The following EZH2 variants were observed in gnomAD, a reference collection of about 807,000 sequenced individuals.
EZH2 encodes histone-lysine N-methyltransferase EZH2.
A neutral mutation model predicts 98.4 loss-of-function variants in EZH2; 18 were observed. That is an observed-to-expected ratio of 0.18 (90% confidence interval 0.13 to 0.27). The LOEUF is 0.27. Among genes scored for constraint, EZH2 ranks in the 10% least tolerant of loss-of-function variants. EZH2 has a pLI of 1.00. For synonymous variants in EZH2, 338 were observed against 312.3 expected, an observed-to-expected ratio of 1.08 and a Z score of -0.87; for missense variants, 470 against 935.1, an observed-to-expected ratio of 0.50 and a Z score of 6.49.
At chr7:148,832,610 G>A (rs1809709947) in intron 4 of EZH2, 24 bp downstream of exon 4, 2 of 1,189,944 alleles carry the variant, frequency 1.7e-6, no homozygotes, top group South Asian at 1.5e-5. Flanking sequence ...TATCAAATAA[G>A]CAGAAGATAT....
In EZH2 at chr7:148,827,613, A is replaced by G. The variant is rs945316354; in HGVS notation, c.626-347T>C. ...ATGAAGGAGCTGAACTAGATGATCA[A>G]TAAGGTCAATAAGGTACCTTTTTGT... On this transcript the variant is annotated intron_variant, in intron 6 of 19. Transcript: ENST00000320356. 2.6e-5 allele frequency among the ~76,000 whole-genome samples: 4 copies of G among 152,338 alleles called. No individual in the cohort carries two copies. In the East Asian group the frequency reaches 5.8e-4, roughly 22 times the overall value.
At chr7:148,815,867 T>C (rs1440533389) in intron 12 of EZH2, among the ~76,000 whole-genome samples, 1 of 152,190 alleles carries the variant, frequency 6.6e-6, no homozygotes, top group Admixed American at 6.5e-5. Context: ...ACTGATCACT[T>C]CCTCTTATTT....
rs765606835 is a variant in EZH2, at chr7:148,826,455, A to G, written c.906T>C (p.Tyr302=). 1.0e-5 allele frequency: 16 copies of G among 1,567,934 alleles called. No homozygotes were observed. The Admixed American group carries it at 2.2e-4, about 21-fold the overall frequency. Reference sequence around the variant, plus strand: ...CAAAGATAGAAAATGAAAACGTACAATAATTGCACTTACGATGTAGGAAGC... The same window carrying G: ...CAAAGATAGAAAATGAAAACGTACAGTAATTGCACTTACGATGTAGGAAGC... The part of the protein sequence containing the change: ...YDCFLHRKCN[Y]SFHATPNTYK... Residue 302 remains tyrosine, a splice_region_variant and synonymous_variant, in exon 8 of 20, where the codon TAT becomes TAC. Transcript: ENST00000320356.
chr7:148,870,766 TA>T (rs751950020), intron 1 of EZH2, among the ~76,000 whole-genome samples: 1 of 148,272 alleles, frequency 6.7e-6, no homozygotes, highest in Non-Finnish European at 1.5e-5. Flanking sequence ...CCCGACTCTA[TA>T]AAAATGCAAA....
At chr7:148,864,589 G>A (rs1254341333) in intron 1 of EZH2, among the ~76,000 whole-genome samples, 1 of 150,316 alleles carries the variant, frequency 6.7e-6, no homozygotes, top group African/African-American at 2.5e-5. Flanking sequence ...GCTGAGGTGG[G>A]AGAACCAATC....
chr7:148,876,762 T>G (rs368874817), intron 1 of EZH2, among the ~76,000 whole-genome samples: 3 of 152,202 alleles, frequency 2.0e-5, no homozygotes, highest in Non-Finnish European at 4.4e-5. Flanking sequence ...GGCCACATGG[T>G]AAGTATTTTA....
At chr7:148,809,730 A>T (rs904171771) in intron 17 of EZH2, among the ~76,000 whole-genome samples, 1 of 152,200 alleles carries the variant, frequency 6.6e-6, no homozygotes, top group Non-Finnish European at 1.5e-5. Flanking sequence ...ATTTAAAATT[A>T]GTTTTTTTCA....
At chr7:148,868,216 G>A (rs1241277557) in intron 1 of EZH2, among the ~76,000 whole-genome samples, 3 of 152,106 alleles carry the variant, frequency 2.0e-5, no homozygotes, top group East Asian at 3.8e-4. Context: ...CATATTTTCT[G>A]TATTAGTCCA....
chr7:148,874,914 A>T (rs540130702), intron 1 of EZH2, among the ~76,000 whole-genome samples: 34 of 151,528 alleles, frequency 2.2e-4, no homozygotes, highest in South Asian at 6.3e-4. Context: ...AAAAAAAAAA[A>T]TTTTACTTGA....
chr7:148,854,230 G>C (rs959396134), intron 1 of EZH2, among the ~76,000 whole-genome samples: 2 of 151,940 alleles, frequency 1.3e-5, no homozygotes, highest in Admixed American at 6.5e-5. Flanking sequence ...CAGATCATGA[G>C]GTCAGGAGAT....
At chr7:148,834,321 T>G (rs568059027) in intron 3 of EZH2, among the ~76,000 whole-genome samples, 1 of 144,298 alleles carries the variant, frequency 6.9e-6, no homozygotes, top group South Asian at 2.2e-4. Context: ...TGTAGTAAAA[T>G]GAAACTGAAA....
chr7:148,872,532 A>G (rs1819574690), intron 1 of EZH2, among the ~76,000 whole-genome samples: 1 of 152,238 alleles, frequency 6.6e-6, no homozygotes, highest in African/African-American at 2.4e-5. Flanking sequence ...TTTAGAAACT[A>G]CATGTATATT....
intron 4 of EZH2, among the ~76,000 whole-genome samples, chr7:148,831,617 C>A (rs1809410531): frequency 6.6e-6 from 1 of 152,144 alleles, no homozygotes; most frequent in Admixed American, 6.5e-5. Context: ...TCTGTGAAAA[C>A]ATGAAACTTC....
chr7:148,854,413 G>A (rs1442777917), intron 1 of EZH2, among the ~76,000 whole-genome samples: 1 of 150,120 alleles, frequency 6.7e-6, no homozygotes, highest in Non-Finnish European at 1.5e-5. Context: ...TCCAGCCTGG[G>A]CGACACAGTG....
rs752284693 is a variant in EZH2 at position 148,846,561 on chromosome 7, C to T, written c.155G>A (p.Arg52Lys). 1 of 1,612,800 alleles carries T rather than the reference C, an allele frequency of 6.2e-7. No individual in the cohort carries two copies. Among genetic ancestry groups the T allele is most frequent in the Non-Finnish European group, 8.5e-7 (1 of 1,179,706 alleles). ...FSSNRQKILE[R>K]TEILNQEWKQ... is the part of the protein sequence containing the mutation. The stretch of plus-strand genomic sequence containing the variant: ...CCATTCTTGGTTTAAGATTTCCGTT[C>T]TTTCCAAAATTTTCTGACGATTGGA... Residue 52 changes from arginine to lysine, a missense_variant, in exon 3 of 20, where the codon AGA becomes AAA. Physicochemically the swap from Arg to Lys is conservative, Grantham distance 26 (BLOSUM62 2). Transcript: ENST00000320356.
chr7:148,811,598 C>T (rs746432444), intron 16 of EZH2, 27 bp downstream of exon 16: 6 of 1,570,768 alleles, frequency 3.8e-6, no homozygotes, highest in Admixed American at 1.7e-5. Flanking sequence ...TACAATGCCA[C>T]CTGAATACAG....
intron 3 of EZH2, among the ~76,000 whole-genome samples, chr7:148,844,979 CTCCT>C (rs1813603051): frequency 6.6e-6 from 1 of 151,928 alleles, no homozygotes; most frequent in Non-Finnish European, 1.5e-5. Context: ...AAGTGTAATA[CTCCT>C]TCCTTATCAT....
intron 8 of EZH2, among the ~76,000 whole-genome samples, chr7:148,820,848 G>A (rs532245963): frequency 2.2e-4 from 33 of 152,000 alleles, no homozygotes; most frequent in Non-Finnish European, 3.8e-4. Context: ...AAAATAAAAC[G>A]AACATTAGAG....
intron 1 of EZH2, among the ~76,000 whole-genome samples, chr7:148,847,513 T>A (rs1814462215): frequency 6.6e-6 from 1 of 152,252 alleles, no homozygotes; most frequent in Non-Finnish European, 1.5e-5. Context: ...AATACACTTT[T>A]ATTTACAAAA....
Sources: gnomAD v4.1 joint callset for allele counts (sites outside exome capture counted in the v4.1 genomes callset) on GRCh38, gnomAD v4.1.1 for gene constraint, MANE v1.5 for transcripts, NCBI Gene and HGNC (gene_info 2026-07-23, HGNC 2026-07-21) for gene names.